Variants in BPTF observed in about 807,000 individuals in gnomAD.
The protein encoded by BPTF is nucleosome-remodeling factor subunit BPTF.
BPTF carries 18 observed loss-of-function variants against 292.5 expected under a neutral mutation model. That is an observed-to-expected ratio of 0.06 (90% CI 0.04 to 0.09). The LOEUF (loss-of-function observed/expected upper bound fraction) is 0.09. BPTF is among the 10% of genes least tolerant of loss of function. BPTF has a pLI of 1.00. For missense variants in BPTF, 2,726 were observed against 3,498.7 expected, an observed-to-expected ratio of 0.78 and a Z score of 5.57; for synonymous variants, 1,225 against 1,251.9, an observed-to-expected ratio of 0.98 and a Z score of 0.45.
At chr17:67,954,795 T>C (rs2066762370) in intron 23 of BPTF, among the ~76,000 whole-genome samples, 1 of 152,198 alleles carries the variant, frequency 6.6e-6, no homozygotes, top group African/African-American at 2.4e-5. Flanking sequence ...GTTATAAACA[T>C]ATGAACTAGG....
intron 7 of BPTF, among the ~76,000 whole-genome samples, chr17:67,896,485 T>C (rs898428172): frequency 1.3e-5 from 2 of 151,146 alleles, no homozygotes. Context: ...CCAGTGCACA[T>C]AGACCCCTTG....
chr17:67,841,079 C>T (rs1427825841), intron 1 of BPTF, among the ~76,000 whole-genome samples: 3 of 152,056 alleles, frequency 2.0e-5, no homozygotes, highest in Non-Finnish European at 4.4e-5. Context: ...ACAACTCTCC[C>T]TAATCCAGAG....
intron 23 of BPTF, among the ~76,000 whole-genome samples, chr17:67,954,414 T>G (rs1555680021): frequency 6.6e-6 from 1 of 152,166 alleles, no homozygotes; most frequent in East Asian, 1.9e-4. Context: ...AGAGGAGTTT[T>G]GTTTTTGTTT....
rs1468481511 is a variant in BPTF at position 67,983,305 on chromosome 17, G to A, written c.*1017G>A. The A allele has an allele frequency of 2.6e-5, 4 of 152,574 alleles. No homozygotes were observed. The highest frequency in any genetic ancestry group is 2.6e-4 in the Admixed American group (4 of 15,260). 9.5% of individuals were successfully genotyped at this position (152,574 alleles called of 1,614,324 possible). On this transcript the variant is annotated 3_prime_UTR_variant, in exon 28 of 28. Coordinates refer to ENST00000306378, the MANE Select transcript of BPTF (RefSeq NM_182641.4). ...CTCGTTTTATCATTCCCAGTCCATT[G>A]TCATCACGTCAGAGAAAAATCTTCA...
intron 7 of BPTF, among the ~76,000 whole-genome samples, chr17:67,898,565 C>T (rs115019287): frequency 0.018 from 2,763 of 151,986 alleles, 93 homozygotes; most frequent in African/African-American, 0.063. Flanking sequence ...CCACCTTGAC[C>T]TCCCAAAGTG....
At chr17:67,903,765 G>C in intron 7 of BPTF, 24 bp from the exon 8 acceptor site, 1 of 1,505,620 alleles carries the variant, frequency 6.6e-7, no homozygotes, top group Admixed American at 2.5e-5. Context: ...AGTTAACATT[G>C]TCTTTCTATG....
intron 1 of BPTF, among the ~76,000 whole-genome samples, chr17:67,844,070 C>CTTT (rs35407119): frequency 1.1e-5 from 1 of 94,350 alleles, no homozygotes; most frequent in East Asian, 4.3e-4. Context: ...CGGCCCCCGC[C>CTTT]TTTTTTTTTT....
chr17:67,834,415 T>A (rs1360525071), intron 1 of BPTF, among the ~76,000 whole-genome samples: 1 of 152,186 alleles, frequency 6.6e-6, no homozygotes, highest in Non-Finnish European at 1.5e-5. Context: ...GAGTATTGCA[T>A]AAATGTCAAT....
intron 1 of BPTF, among the ~76,000 whole-genome samples, chr17:67,835,955 A>G (rs1368968316): frequency 3.9e-5 from 6 of 152,136 alleles, no homozygotes; most frequent in Admixed American, 6.5e-5. Context: ...GTGAGCCACC[A>G]TGCCTGGCCC....
chr17:67,940,306 T>G (rs1361337271), intron 18 of BPTF, 133 bp from the exon 19 acceptor site: 5 of 849,760 alleles, frequency 5.9e-6, no homozygotes, highest in Non-Finnish European at 9.2e-6. Flanking sequence ...TCTGAATGTA[T>G]CCTTAGGCTC....
intron 3 of BPTF, among the ~76,000 whole-genome samples, chr17:67,872,171 T>C (rs1027284247): frequency 2.6e-5 from 4 of 152,210 alleles, no homozygotes; most frequent in African/African-American, 9.6e-5. Context: ...CCATAGTTTT[T>C]TGAACCTAAA....
chr17:67,888,134 C>T (rs913807463), intron 4 of BPTF, among the ~76,000 whole-genome samples: 1 of 152,186 alleles, frequency 6.6e-6, no homozygotes, highest in Non-Finnish European at 1.5e-5. Flanking sequence ...TGTGTGTACT[C>T]ACATTTGTTC....
rs547851877 is a variant in BPTF, at chr17:67,975,914, C to G, written c.8682C>G (p.Leu2894=). The G allele has an allele frequency of 1.9e-6, 3 of 1,613,006 alleles. No individual in the cohort carries two copies. The highest frequency in any genetic ancestry group is 1.7e-5 in the Admixed American group (1 of 59,778). Reference sequence around the variant, plus strand: ...CATTTTACCAGTGTGCAGAAGTTCTCGAATCATTCTTTGTACAGAAATTGA... The same window carrying G: ...CATTTTACCAGTGTGCAGAAGTTCTGGAATCATTCTTTGTACAGAAATTGA... ...DSPFYQCAEV[L]ESFFVQKLKG... Residue 2894 remains leucine, a synonymous_variant, in exon 27 of 28, where the codon CTC becomes CTG. Transcript: ENST00000306378.
chr17:67,946,237 A>T lies in BPTF; in HGVS notation c.7529A>T (p.Gln2510Leu), dbSNP rs374167713. The T allele has an allele frequency of 1.2e-6, 2 of 1,614,168 alleles. No homozygotes were observed. Among genetic ancestry groups the T allele is most frequent in the East Asian group, 2.2e-5 (1 of 44,906 alleles). The change falls in exon 21 of 28, where the codon CAG (glutamine) becomes CTG (leucine). Residue 2510 changes from glutamine to leucine, a missense_variant. By Grantham distance (113) the Gln-to-Leu change is moderately radical. This residue lies in a region of BPTF where 570 missense variants were observed against 633.5 expected (regional missense o/e 0.90). Transcript: ENST00000306378. Reference sequence around the variant, plus strand: ...CAAAGGGTTCAGCAACTCAGGGATCAGCAGCAAAAGAAGAAACAGCAACAG... The same window carrying T: ...CAAAGGGTTCAGCAACTCAGGGATCTGCAGCAAAAGAAGAAACAGCAACAG... Reference protein sequence around the residue: ...QLQRVQQLRDQQQKKKQQQIE... With the variant: ...QLQRVQQLRDLQQKKKQQQIE...
At chr17:67,976,037 G>A in intron 27 of BPTF, 79 bp downstream of exon 27, 4 of 1,148,730 alleles carry the variant, frequency 3.5e-6, no homozygotes, top group African/African-American at 3.2e-5. Context: ...GATTCAACCA[G>A]TGCAGTTTAT....
chr17:67,896,198 G>A (rs1568003521), intron 7 of BPTF, among the ~76,000 whole-genome samples: 1 of 152,116 alleles, frequency 6.6e-6, no homozygotes, highest in African/African-American at 2.4e-5. Context: ...TCCTGACCTT[G>A]TGATCCGCCC....
At chr17:67,828,599 G>A (rs2056342279) in intron 1 of BPTF, among the ~76,000 whole-genome samples, 2 of 152,154 alleles carry the variant, frequency 1.3e-5, no homozygotes, top group Non-Finnish European at 2.9e-5. Context: ...CACAATCTTG[G>A]CTCACTGCAA....
intron 27 of BPTF, among the ~76,000 whole-genome samples, chr17:67,979,499 G>A (rs546760083): frequency 2.0e-5 from 3 of 148,792 alleles, no homozygotes; most frequent in East Asian, 2.1e-4. Context: ...CACCAAGACC[G>A]CGCCACTGCA....
At chr17:67,897,949 C>T (rs1476337836) in intron 7 of BPTF, among the ~76,000 whole-genome samples, 1 of 151,958 alleles carries the variant, frequency 6.6e-6, no homozygotes, top group Non-Finnish European at 1.5e-5. Flanking sequence ...TATAAGAAAT[C>T]TGAAAATATT....
Sources: allele counts gnomAD v4.1 joint callset (sites outside exome capture counted in the v4.1 genomes callset), GRCh38; gene constraint gnomAD v4.1.1; regional missense constraint gnomAD v4.1.1; transcripts MANE v1.5; gene names NCBI Gene and HGNC (gene_info 2026-07-23, HGNC 2026-07-21).